The following MACROD2 variants were observed in gnomAD, a reference collection of about 807,000 sequenced individuals.
MACROD2 encodes the protein mono-ADP ribosylhydrolase 2.
In MACROD2, 36 loss-of-function variants were observed where a neutral mutation model predicts 70.4. The observed-to-expected ratio is 0.51, with a 90% confidence interval of 0.39 to 0.68. The LOEUF (loss-of-function observed/expected upper bound fraction) is 0.68, where lower values mean the gene tolerates loss of function less well. Ranked by LOEUF, MACROD2 falls within the 30% of genes least tolerant of loss-of-function variation. MACROD2 has a pLI of 0.00. For missense variants in MACROD2, 496 were observed against 538.4 expected, an observed-to-expected ratio of 0.92 and a Z score of 0.78; for synonymous variants, 172 against 178.8, an observed-to-expected ratio of 0.96 and a Z score of 0.30.
intron 8 of MACROD2, among the ~76,000 whole-genome samples, chr20:15,525,033 G>A (rs577113698): frequency 8.3e-4 from 126 of 152,258 alleles, no homozygotes; most frequent in African/African-American, 3.0e-3. Flanking sequence ...CAGTTACTGC[G>A]ATTGCCCCAC....
intron 12 of MACROD2, among the ~76,000 whole-genome samples, chr20:15,944,228 C>A (rs1370955854): frequency 1.3e-5 from 2 of 152,044 alleles, no homozygotes; most frequent in African/African-American, 4.8e-5. Flanking sequence ...AAGGTTAAAA[C>A]ATTTGTATTA....
At chr20:15,386,634 A>G (rs887854882) in intron 6 of MACROD2, among the ~76,000 whole-genome samples, 3 of 152,218 alleles carry the variant, frequency 2.0e-5, no homozygotes, top group Admixed American at 1.3e-4. Flanking sequence ...TAATTACATT[A>G]TAATATCAGA....
chr20:14,178,839 A>G (rs752976060), intron 3 of MACROD2, among the ~76,000 whole-genome samples: 1 of 147,156 alleles, frequency 6.8e-6, no homozygotes, highest in Non-Finnish European at 1.5e-5. Flanking sequence ...CGGCCTTTTC[A>G]GTAACTTCCC....
chr20:14,487,319 A>C (rs1227116569), intron 3 of MACROD2, among the ~76,000 whole-genome samples: 1 of 151,810 alleles, frequency 6.6e-6, no homozygotes, highest in Non-Finnish European at 1.5e-5. Flanking sequence ...ATATGGTCAC[A>C]TGAATGTATG....
chr20:14,948,179 T>C (rs990826633), intron 5 of MACROD2, among the ~76,000 whole-genome samples: 3 of 152,104 alleles, frequency 2.0e-5, no homozygotes, highest in Non-Finnish European at 4.4e-5. Flanking sequence ...TCACTCTGGC[T>C]CCTTTTCAGG....
chr20:15,796,693 T>C (rs565886820), intron 8 of MACROD2, among the ~76,000 whole-genome samples: 6 of 152,292 alleles, frequency 3.9e-5, no homozygotes, highest in African/African-American at 1.4e-4. Flanking sequence ...CAATAATACT[T>C]AGAATTATTA....
chr20:14,712,579 ACATCT>A (rs1278885960), intron 5 of MACROD2, among the ~76,000 whole-genome samples: 2 of 152,198 alleles, frequency 1.3e-5, no homozygotes, highest in Admixed American at 1.3e-4. Flanking sequence ...CTATTTTACC[ACATCT>A]CAAGTATACA....
At chr20:14,673,261 A>G (rs142435456) in intron 4 of MACROD2, among the ~76,000 whole-genome samples, 1 of 152,188 alleles carries the variant, frequency 6.6e-6, no homozygotes, top group Non-Finnish European at 1.5e-5. Flanking sequence ...GTCAGGACTC[A>G]TGGTTTCATG....
intron 8 of MACROD2, among the ~76,000 whole-genome samples, chr20:15,559,252 A>AAAAT (rs1407572652): frequency 6.8e-6 from 1 of 147,528 alleles, no homozygotes; most frequent in Non-Finnish European, 1.5e-5. Context: ...AAAAAAAAAA[A>AAAAT]GATTCTCAGG....
intron 5 of MACROD2, among the ~76,000 whole-genome samples, chr20:15,016,684 C>G (rs899210746): frequency 6.6e-6 from 1 of 151,960 alleles, no homozygotes; most frequent in Admixed American, 6.6e-5. Flanking sequence ...AAACTGGGAA[C>G]GAAGAAAGGT....
At chr20:14,040,667 T>G (rs1429027387) in intron 2 of MACROD2, among the ~76,000 whole-genome samples, 4 of 152,192 alleles carry the variant, frequency 2.6e-5, no homozygotes, top group Non-Finnish European at 4.4e-5. Context: ...GACATTACTA[T>G]ATGACTTTAT....
intron 3 of MACROD2, among the ~76,000 whole-genome samples, chr20:14,485,602 G>C (rs113209115): frequency 1.5e-4 from 23 of 151,128 alleles, no homozygotes; most frequent in African/African-American, 5.1e-4. Flanking sequence ...TTGGGAGGCT[G>C]AGGCAGGAGA....
chr20:14,843,870 C>G (rs1197207080), intron 5 of MACROD2, among the ~76,000 whole-genome samples: 2 of 152,126 alleles, frequency 1.3e-5, no homozygotes, highest in East Asian at 1.9e-4. Flanking sequence ...TCTCTTTCAG[C>G]CTTAACTTAT....
rs532182583 is a variant in MACROD2 at position 15,523,851 on chromosome 20, T to G, written c.645+24004T>G. On this transcript the variant is annotated intron_variant, in intron 8 of 17. Coordinates refer to ENST00000684519, the MANE Select transcript of MACROD2 (RefSeq NM_001351661.2). ...TAATGGTAACTATCATGTTCTGAGC[T>G]TGTGTAGCTATCATGTTCTCTATCT... Among the ~76,000 whole-genome samples, 5 of 152,316 alleles carry G rather than the reference T, an allele frequency of 3.3e-5. No individual in the cohort carries two copies. The South Asian group carries it at 1.0e-3, about 32-fold the overall frequency.
chr20:14,292,006 A>G (rs1307121719), intron 3 of MACROD2, among the ~76,000 whole-genome samples: 1 of 151,920 alleles, frequency 6.6e-6, no homozygotes, highest in East Asian at 1.9e-4. Flanking sequence ...TTTTCCCTGA[A>G]GTCTAGCCTT....
At chr20:14,446,843 C>T (rs537110270) in intron 3 of MACROD2, among the ~76,000 whole-genome samples, 1 of 152,066 alleles carries the variant, frequency 6.6e-6, no homozygotes, top group South Asian at 2.1e-4. Flanking sequence ...TATAAGCAGT[C>T]TATAAACTAT....
intron 5 of MACROD2, among the ~76,000 whole-genome samples, chr20:15,130,055 G>A (rs6105362): frequency 0.74 from 111,873 of 151,942 alleles, 41,463 homozygotes; most frequent in East Asian, 0.98. Flanking sequence ...ACATTAAACA[G>A]TGTAATTAAG....
chr20:14,930,621 G>T (rs2074285332), intron 5 of MACROD2, among the ~76,000 whole-genome samples: 2 of 151,966 alleles, frequency 1.3e-5, no homozygotes, highest in Admixed American at 6.6e-5. Flanking sequence ...CCTTCTCAGA[G>T]CTGGTACTCA....
chr20:15,815,846 G>C (rs1220531865), intron 8 of MACROD2, among the ~76,000 whole-genome samples: 2 of 152,012 alleles, frequency 1.3e-5, no homozygotes, highest in Non-Finnish European at 1.5e-5. Context: ...AACAGGGTTT[G>C]AGTTTTTTTC....
Sources: gnomAD v4.1 joint callset for allele counts (sites outside exome capture counted in the v4.1 genomes callset) on GRCh38, gnomAD v4.1.1 for gene constraint, MANE v1.5 for transcripts, NCBI Gene and HGNC (gene_info 2026-07-23, HGNC 2026-07-21) for gene names.